Variants in KCNK2 observed in about 807,000 individuals in gnomAD.
KCNK2 encodes the protein potassium channel subfamily K member 2.
In KCNK2, 21 loss-of-function variants were observed where a neutral mutation model predicts 40.5. The ratio of observed to expected loss-of-function variants is 0.52; its 90% CI spans 0.37 to 0.75. The LOEUF is 0.75. KCNK2 is among the 30% of genes least tolerant of loss of function. The pLI is 0.00. For synonymous variants in KCNK2, 191 were observed against 202.2 expected, an observed-to-expected ratio of 0.94 and a Z score of 0.47; for missense variants, 399 against 531.6, an observed-to-expected ratio of 0.75 and a Z score of 2.45.
At chr1:215,196,522 T>A (rs192893662) in intron 6 of KCNK2, among the ~76,000 whole-genome samples, 513 of 152,354 alleles carry the variant, frequency 3.4e-3, no homozygotes, top group African/African-American at 0.012. Flanking sequence ...CATTAGTCTA[T>A]ATCTTAGTTG....
intron 6 of KCNK2, among the ~76,000 whole-genome samples, chr1:215,204,385 T>C (rs1665220342): frequency 6.6e-6 from 1 of 152,104 alleles, no homozygotes; most frequent in African/African-American, 2.4e-5. Context: ...TAATTTTTTT[T>C]CTATTCCTTT....
At chr1:215,221,477 A>G (rs908244688) in intron 6 of KCNK2, among the ~76,000 whole-genome samples, 6 of 152,254 alleles carry the variant, frequency 3.9e-5, no homozygotes, top group African/African-American at 1.4e-4. Flanking sequence ...CATATTTTGT[A>G]TAATTATTAT....
chr1:215,139,837 G>GTA (rs1159062891), intron 3 of KCNK2, among the ~76,000 whole-genome samples: 1 of 152,014 alleles, frequency 6.6e-6, no homozygotes, highest in African/African-American at 2.4e-5. Context: ...TGTTATCAAA[G>GTA]TATATATATA....
intron 2 of KCNK2, among the ~76,000 whole-genome samples, chr1:215,095,651 G>A (rs757057782): frequency 2.4e-4 from 36 of 151,884 alleles, no homozygotes; most frequent in Non-Finnish European, 4.4e-4. Context: ...ATGGGGTTGC[G>A]TTTTTTTCAC....
At chr1:215,106,005 T>C (rs1353804015) in intron 2 of KCNK2, among the ~76,000 whole-genome samples, 1 of 152,140 alleles carries the variant, frequency 6.6e-6, no homozygotes, top group Non-Finnish European at 1.5e-5. Context: ...GACAGGCACC[T>C]AGATTGATTA....
chr1:215,177,877 T>G (rs1664054763), intron 5 of KCNK2, among the ~76,000 whole-genome samples: 1 of 151,234 alleles, frequency 6.6e-6, no homozygotes, highest in Admixed American at 6.6e-5. Flanking sequence ...TTTGATTCTA[T>G]ATGAATTTTG....
At chr1:215,070,717 T>C (rs376408641) in intron 1 of KCNK2, among the ~76,000 whole-genome samples, 2 of 152,126 alleles carry the variant, frequency 1.3e-5, no homozygotes, top group Non-Finnish European at 2.9e-5. Context: ...CGGTTCAAGA[T>C]GAGATTTGAG....
chr1:215,202,457 C>G (rs1665119445), intron 6 of KCNK2, among the ~76,000 whole-genome samples: 1 of 152,184 alleles, frequency 6.6e-6, no homozygotes, highest in Non-Finnish European at 1.5e-5. Flanking sequence ...TTAAATTATG[C>G]TTGAAGGCAG....
rs546435780 is a variant in KCNK2, at chr1:215,041,924, G to C, written c.34+35969G>C. The stretch of plus-strand genomic sequence containing the variant: ...CGGGCTCACAGTTCCACATGGCCAG[G>C]AAGCCCTCACAATCATGGCAAAAGG... On this transcript the variant is annotated intron_variant, in intron 1 of 6. Transcript: ENST00000391895. Among the ~76,000 whole-genome samples the C allele has an allele frequency of 4.0e-4, 61 of 152,278 alleles. 1 individual carries two copies. The South Asian group carries it at 0.012, about 31-fold the overall frequency.
chr1:215,234,718 A>C (rs1666807589), intron 6 of KCNK2, 110 bp from the exon 7 acceptor site: 1 of 1,010,386 alleles, frequency 9.9e-7, no homozygotes, highest in Non-Finnish European at 1.5e-6. Context: ...GTAAAAGACT[A>C]CTCCACTCTT....
At chr1:215,055,238 C>T (rs1009931939) in intron 1 of KCNK2, among the ~76,000 whole-genome samples, 2 of 152,110 alleles carry the variant, frequency 1.3e-5, no homozygotes, top group African/African-American at 2.4e-5. Context: ...TTCATGGCAC[C>T]TTTACACGAG....
intron 5 of KCNK2, among the ~76,000 whole-genome samples, chr1:215,192,333 C>A (rs570726114): frequency 6.6e-6 from 1 of 152,226 alleles, no homozygotes; most frequent in South Asian, 2.1e-4. Context: ...AAAGGAAAAG[C>A]ATTTTTTTCC....
intron 6 of KCNK2, among the ~76,000 whole-genome samples, chr1:215,223,501 G>A (rs772040691): frequency 2.6e-5 from 4 of 152,056 alleles, no homozygotes; most frequent in African/African-American, 9.7e-5. Context: ...GGAAGAAACT[G>A]ATTAGGACAA....
intron 1 of KCNK2, among the ~76,000 whole-genome samples, chr1:215,075,340 G>A (rs936864994): frequency 6.6e-6 from 1 of 152,076 alleles, no homozygotes; most frequent in East Asian, 1.9e-4. Flanking sequence ...AATGAATTTT[G>A]TAAAGTTTTA....
chr1:215,169,486 A>T, intron 4 of KCNK2, 127 bp downstream of exon 4: 1 of 673,554 alleles, frequency 1.5e-6, no homozygotes, highest in Non-Finnish European at 2.5e-6. Flanking sequence ...ATTTATATGC[A>T]TCTCTACTGG....
intron 3 of KCNK2, among the ~76,000 whole-genome samples, chr1:215,130,945 C>T (rs1421181301): frequency 6.6e-6 from 1 of 151,806 alleles, no homozygotes; most frequent in Non-Finnish European, 1.5e-5. Context: ...ACTGCAAGCT[C>T]CGCCTCCCAG....
chr1:215,099,359 G>T (rs1660115088), intron 2 of KCNK2, among the ~76,000 whole-genome samples: 1 of 151,788 alleles, frequency 6.6e-6, no homozygotes, highest in African/African-American at 2.4e-5. Flanking sequence ...CTTTTTTATG[G>T]CTGCATGGTA....
At chr1:215,129,322 T>G (rs1435203877) in intron 3 of KCNK2, among the ~76,000 whole-genome samples, 1 of 151,964 alleles carries the variant, frequency 6.6e-6, no homozygotes. Context: ...CCTACCCCCA[T>G]TTTTTGTTTG....
At chr1:215,210,077 T>G (rs1665670207) in intron 6 of KCNK2, among the ~76,000 whole-genome samples, 1 of 120,132 alleles carries the variant, frequency 8.3e-6, no homozygotes, top group African/African-American at 3.1e-5. Context: ...AAATACACTA[T>G]AGATATGCTA....
Sources: allele counts gnomAD v4.1 joint callset (sites outside exome capture counted in the v4.1 genomes callset), GRCh38; gene constraint gnomAD v4.1.1; transcripts MANE v1.5; gene names NCBI Gene and HGNC (gene_info 2026-07-23, HGNC 2026-07-21).